Variants in PRSS23 observed in about 807,000 individuals in gnomAD.
The protein encoded by PRSS23 is serine protease 23.
Under a neutral mutation model 34.7 loss-of-function variants are expected in PRSS23, and 25 were observed. The observed-to-expected ratio is 0.72, with a 90% CI of 0.53 to 1.01. The LOEUF (loss-of-function observed/expected upper bound fraction) is 1.01. Among genes scored for constraint, PRSS23 ranks in the 50% least tolerant of loss-of-function variants. The probability of loss-of-function intolerance (pLI) is 0.00; values close to 1 mark genes in which losing one functional copy is unlikely to be tolerated. For missense variants in PRSS23, 445 were observed against 475.6 expected (o/e 0.94, Z 0.60); for synonymous variants, 176 against 186.6 (o/e 0.94, Z 0.46).
chr11:86,952,443 T>A (rs80358284), exon 3 of PRSS23: 14 of 1,613,812 alleles, frequency 8.7e-6, no homozygotes, highest in Non-Finnish European at 1.0e-5. Flanking sequence ...TCTGTGCACA[T>A]TGGCACATAA....
chr11:86,874,184 C>T (rs1016395354), intron 2 of PRSS23, among the ~76,000 whole-genome samples: 8 of 152,124 alleles, frequency 5.3e-5, no homozygotes, highest in East Asian at 1.9e-4. Flanking sequence ...TCACCAAGTC[C>T]GATGGAGAAT....
intron 2 of PRSS23, among the ~76,000 whole-genome samples, chr11:86,875,059 C>A (rs193077312): frequency 1.2e-4 from 19 of 152,304 alleles, no homozygotes; most frequent in Admixed American, 5.9e-4. Context: ...AAGGCAGGAA[C>A]TGCATGGTCT....
At chr11:86,941,738 A>G (rs918217738) in intron 2 of PRSS23, among the ~76,000 whole-genome samples, 1 of 152,198 alleles carries the variant, frequency 6.6e-6, no homozygotes, top group Non-Finnish European at 1.5e-5. Flanking sequence ...GTAGTCGATC[A>G]TTCCCTAACC....
chr11:86,894,491 G>A (rs773337349), intron 2 of PRSS23, among the ~76,000 whole-genome samples: 9 of 152,012 alleles, frequency 5.9e-5, no homozygotes, highest in African/African-American at 9.7e-5. Context: ...ATTTTTCCTG[G>A]CACTCTCTTA....
At chr11:86,873,971 G>A (rs756087075) in intron 2 of PRSS23, among the ~76,000 whole-genome samples, 1 of 152,200 alleles carries the variant, frequency 6.6e-6, no homozygotes, top group African/African-American at 2.4e-5. Flanking sequence ...GTTCTGAGGT[G>A]AGATTAGAAG....
At chr11:86,795,912 A>T (rs913522254), upstream of PRSS23, among the ~76,000 whole-genome samples, 1 of 152,178 alleles carries the variant, frequency 6.6e-6, no homozygotes, top group Non-Finnish European at 1.5e-5. Flanking sequence ...CTACATATGG[A>T]TCTTGGTCTC....
chr11:86,874,185 G>A (rs963198401), intron 2 of PRSS23, among the ~76,000 whole-genome samples: 2 of 152,164 alleles, frequency 1.3e-5, no homozygotes, highest in Non-Finnish European at 2.9e-5. Context: ...CACCAAGTCC[G>A]ATGGAGAATC....
At chr11:86,792,053 C>G (rs1947955108) in intron 1 of PRSS23, among the ~76,000 whole-genome samples, 1 of 152,170 alleles carries the variant, frequency 6.6e-6, no homozygotes. Flanking sequence ...TATTTTGAAG[C>G]AGGCTTTCCC....
chr11:86,890,512 C>T (rs1272805749), intron 2 of PRSS23, among the ~76,000 whole-genome samples: 1 of 152,096 alleles, frequency 6.6e-6, no homozygotes, highest in East Asian at 1.9e-4. Context: ...TTAGACTGAC[C>T]CTGTATGGCA....
At chr11:86,936,180 C>A (rs779104158) in intron 2 of PRSS23, 1 of 152,344 alleles carries the variant, frequency 6.6e-6, no homozygotes, top group Non-Finnish European at 1.5e-5. Flanking sequence ...AACCACCTGG[C>A]AGGACTTGGG....
chr11:86,813,176 G>A (rs543344145), downstream of PRSS23, among the ~76,000 whole-genome samples: 4 of 152,182 alleles, frequency 2.6e-5, no homozygotes, highest in Admixed American at 1.3e-4. Context: ...TGTCTCCTGC[G>A]CACCTTTATC....
chr11:86,808,730 C>T lies in PRSS23; in HGVS notation c.1087C>T (p.Pro363Ser), dbSNP rs902498206. 2.5e-6 allele frequency: 4 copies of T among 1,614,144 alleles called. No individual in the cohort carries two copies. The African/African-American group carries it at 5.3e-5, about 22-fold the overall frequency. Residue 363 changes from proline to serine, a missense_variant, in exon 2 of 2, where the codon CCT (proline) becomes TCT (serine). Pro to Ser is a moderately conservative substitution (Grantham distance 74). Transcript: ENST00000280258. ...QDFNVAVRIT[P>S]LKYAQICYWI... ...TTTCAACGTGGCTGTCAGAATCACTCCTCTCAAATATGCCCAGATTTGCTA... is the reference window on the plus strand; with the variant it reads ...TTTCAACGTGGCTGTCAGAATCACTTCTCTCAAATATGCCCAGATTTGCTA...
chr11:86,880,434 A>G (rs1948765178), intron 2 of PRSS23, among the ~76,000 whole-genome samples: 1 of 151,938 alleles, frequency 6.6e-6, no homozygotes, highest in Non-Finnish European at 1.5e-5. Context: ...ACACCCAAGA[A>G]TGATCAATAA....
intron 1 of PRSS23, among the ~76,000 whole-genome samples, chr11:86,791,811 T>C (rs12788554): frequency 0.2 from 30,016 of 152,158 alleles, 3,201 homozygotes; most frequent in Middle Eastern, 0.24. Flanking sequence ...CCATTCATGG[T>C]CCTACTGCTC....
intron 2 of PRSS23, among the ~76,000 whole-genome samples, chr11:86,878,861 C>T (rs1338365427): frequency 3.6e-4 from 54 of 150,960 alleles, no homozygotes; most frequent in African/African-American, 1.2e-3. Flanking sequence ...AAGTGAGGAG[C>T]GCCTCTTCCC....
chr11:86,833,591 T>C (rs1948378458), intron 2 of PRSS23: 1 of 211,202 alleles, frequency 4.7e-6, no homozygotes, highest in Non-Finnish European at 9.6e-6. Flanking sequence ...TGGGTTTATA[T>C]CCAGATCATT....
chr11:86,939,431 T>TTTTTTTAAAAATATA (rs1555084022), intron 2 of PRSS23, among the ~76,000 whole-genome samples: 2 of 141,750 alleles, frequency 1.4e-5, no homozygotes, highest in Non-Finnish European at 3.0e-5. Flanking sequence ...TATATATTTT[T>TTTTTTTAAAAATATA]TAACATGAGT....
At chr11:86,864,878 T>C (rs980706473) in intron 2 of PRSS23, among the ~76,000 whole-genome samples, 2 of 152,242 alleles carry the variant, frequency 1.3e-5, no homozygotes, top group Non-Finnish European at 2.9e-5. Context: ...TCTCTGAGTC[T>C]GCTTCCATCA....
At chr11:86,869,903 A>G (rs1003994320) in intron 2 of PRSS23, among the ~76,000 whole-genome samples, 2 of 152,196 alleles carry the variant, frequency 1.3e-5, no homozygotes, top group African/African-American at 4.8e-5. Context: ...GTCGTCAGTA[A>G]ATATTGAATA....
Sources: gnomAD v4.1 joint callset for allele counts (sites outside exome capture counted in the v4.1 genomes callset) on GRCh38, gnomAD v4.1.1 for gene constraint, MANE v1.5 for transcripts, NCBI Gene and HGNC (gene_info 2026-07-23, HGNC 2026-07-21) for gene names.